Variants in DLG1 observed in about 807,000 individuals in gnomAD.
DLG1 encodes disks large homolog 1.
A neutral mutation model predicts 123.4 loss-of-function variants in DLG1; 42 were observed. That is an observed-to-expected ratio of 0.34 (90% CI 0.27 to 0.44). The LOEUF (loss-of-function observed/expected upper bound fraction) is 0.44. Ranked by LOEUF, DLG1 falls within the 20% of genes least tolerant of loss-of-function variation. The probability of loss-of-function intolerance (pLI) is 1.00; values close to 1 mark genes in which losing one functional copy is unlikely to be tolerated. For missense variants in DLG1, 942 were observed against 1,082.6 expected, an observed-to-expected ratio of 0.87 and a Z score of 1.82; for synonymous variants, 317 against 356.2, an observed-to-expected ratio of 0.89 and a Z score of 1.24.
At chr3:197,057,413 C>A (rs978336428) in intron 23 of DLG1, among the ~76,000 whole-genome samples, 6 of 152,188 alleles carry the variant, frequency 3.9e-5, no homozygotes, top group Non-Finnish European at 7.3e-5. Flanking sequence ...ACTGTCATCA[C>A]GCTTGTACCT....
chr3:197,200,607 C>T (rs1725137821), intron 4 of DLG1, among the ~76,000 whole-genome samples: 2 of 152,046 alleles, frequency 1.3e-5, no homozygotes, highest in South Asian at 2.1e-4. Flanking sequence ...CCCGACAGCA[C>T]CATCAAAAAT....
chr3:197,174,810 A>G (rs1305448551), intron 5 of DLG1, among the ~76,000 whole-genome samples: 2 of 152,228 alleles, frequency 1.3e-5, no homozygotes, highest in African/African-American at 4.8e-5. Flanking sequence ...TTAACAAATA[A>G]TTAAACACCA....
chr3:197,120,260 C>G (rs1285323010), intron 11 of DLG1, among the ~76,000 whole-genome samples: 3 of 137,692 alleles, frequency 2.2e-5, no homozygotes, highest in Non-Finnish European at 4.7e-5. Flanking sequence ...GTGAGATGCC[C>G]TGTCTCGAGA....
chr3:197,066,877 G>A, intron 19 of DLG1, 123 bp from the exon 20 acceptor site: 1 of 558,270 alleles, frequency 1.8e-6, no homozygotes, highest in East Asian at 2.9e-5. Context: ...TATGGAAAGA[G>A]GTACTTTATG....
intron 23 of DLG1, among the ~76,000 whole-genome samples, chr3:197,053,390 G>A (rs1729302047): frequency 6.6e-6 from 1 of 152,136 alleles, no homozygotes; most frequent in South Asian, 2.1e-4. Context: ...AGATTTGCCA[G>A]ATATAGGATT....
chr3:197,269,289 G>T (rs919554251), intron 4 of DLG1, among the ~76,000 whole-genome samples: 1 of 152,142 alleles, frequency 6.6e-6, no homozygotes, highest in Admixed American at 6.5e-5. Flanking sequence ...TGTTATGACA[G>T]CAAAGATGTC....
intron 23 of DLG1, among the ~76,000 whole-genome samples, chr3:197,059,075 G>A (rs1376143038): frequency 6.6e-6 from 1 of 152,138 alleles, no homozygotes; most frequent in Admixed American, 6.5e-5. Context: ...ACAGGTGCCC[G>A]CGACCACGCC....
At chr3:197,047,592 A>C (rs1724224107) in intron 24 of DLG1, among the ~76,000 whole-genome samples, 1 of 151,498 alleles carries the variant, frequency 6.6e-6, no homozygotes, top group African/African-American at 2.4e-5. Flanking sequence ...GTTGCTACCT[A>C]CTTTTTTTTT....
At chr3:197,214,895 A>G (rs1321282546) in intron 4 of DLG1, among the ~76,000 whole-genome samples, 1 of 152,208 alleles carries the variant, frequency 6.6e-6, no homozygotes, top group Non-Finnish European at 1.5e-5. Context: ...ACATTAAAAC[A>G]ATGATCTATC....
chr3:197,233,359 AACT>A (rs940681993), intron 4 of DLG1, among the ~76,000 whole-genome samples: 1 of 152,192 alleles, frequency 6.6e-6, no homozygotes. Context: ...ATCATTTTTC[AACT>A]ACTTCTATTG....
In DLG1 at chr3:197,297,218, C is replaced by G. The variant is rs80060123; in HGVS notation, c.-14G>C. 4.3e-6 allele frequency: 7 copies of G among 1,613,932 alleles called. No individual in the cohort carries two copies. The African/African-American group carries it at 9.3e-5, about 22-fold the overall frequency. ...CCGGACCGGCATTTTTCTCCAGAAT[C>G]AGGAAGAGGGCACACACCTTTAAAA... On this transcript the variant is annotated 5_prime_UTR_variant, in exon 2 of 25. Coordinates refer to ENST00000667157, the MANE Select transcript of DLG1 (RefSeq NM_001366207.1).
chr3:197,162,948 T>A (rs922385652), intron 5 of DLG1, among the ~76,000 whole-genome samples: 1 of 152,174 alleles, frequency 6.6e-6, no homozygotes, highest in Non-Finnish European at 1.5e-5. Flanking sequence ...TTGCAAATCA[T>A]ACACCTGATA....
chr3:197,130,699 G>T, intron 10 of DLG1, 28 bp from the exon 11 acceptor site: 1 of 1,548,058 alleles, frequency 6.5e-7, no homozygotes, highest in South Asian at 1.2e-5. Context: ...AGACATTTAT[G>T]ACATATTCAC....
At chr3:197,044,869 T>C in intron 24 of DLG1, 140 bp from the exon 25 acceptor site, 1 of 426,398 alleles carries the variant, frequency 2.3e-6, no homozygotes, top group Non-Finnish European at 4.1e-6. Context: ...ACTGTTCACT[T>C]AGGAAAAAAG....
chr3:197,243,840 T>A (rs1039973460), intron 4 of DLG1, among the ~76,000 whole-genome samples: 3 of 152,226 alleles, frequency 2.0e-5, no homozygotes, highest in African/African-American at 7.2e-5. Flanking sequence ...ATTCATTTCG[T>A]ACCCCTCGTG....
intron 5 of DLG1, among the ~76,000 whole-genome samples, chr3:197,166,150 G>A (rs564119402): frequency 3.3e-4 from 51 of 152,308 alleles, no homozygotes; most frequent in African/African-American, 1.2e-3. Context: ...GCATCTATGA[G>A]GCAGTAGCTG....
rs144389644 is a variant in DLG1 at position 197,073,222 on chromosome 3, C to G, written c.2005+3364G>C. Among the ~76,000 whole-genome samples, 8 of 152,262 alleles carry G rather than the reference C, an allele frequency of 5.3e-5. No individual in the cohort carries two copies. The East Asian group carries it at 1.2e-3, about 22-fold the overall frequency. On this transcript the variant is annotated intron_variant, in intron 18 of 24. Coordinates refer to ENST00000667157, the MANE Select transcript of DLG1 (RefSeq NM_001366207.1). ...TAGAAGCTCTGCACAACTATGCGTA[C>G]GTCTTTAAAGTGAGAAGAAAGAAAA...
intron 18 of DLG1, chr3:197,075,734 C>A: frequency 2.0e-6 from 2 of 979,908 alleles, no homozygotes; most frequent in South Asian, 1.6e-5. Context: ...CATACACCTC[C>A]TTATGCCAGA....
rs542941010 is a variant in DLG1, at chr3:197,268,568, A to G, written c.318+14111T>C. On this transcript the variant is annotated intron_variant, in intron 4 of 24. Coordinates refer to ENST00000667157, the MANE Select transcript of DLG1 (RefSeq NM_001366207.1). ...CCACGTAGCTGGGACTACAGGCATG[A>G]AGGCACCAACCACGCCTAATTTTTT... Among the ~76,000 whole-genome samples the G allele has an allele frequency of 2.7e-4, 41 of 152,000 alleles. No individual in the cohort carries two copies. In the South Asian group the frequency reaches 8.5e-3, roughly 32 times the overall value.
Sources: allele counts gnomAD v4.1 joint callset (sites outside exome capture counted in the v4.1 genomes callset), GRCh38; gene constraint gnomAD v4.1.1; transcripts MANE v1.5; gene names NCBI Gene and HGNC (gene_info 2026-07-23, HGNC 2026-07-21).